Variants in CNKSR3 observed in about 807,000 individuals in gnomAD.
The protein encoded by CNKSR3 is CNKSR family member 3.
A neutral mutation model predicts 67.7 loss-of-function variants in CNKSR3; 36 were observed. The observed-to-expected ratio is 0.53, with a 90% CI of 0.41 to 0.70. The LOEUF is 0.70. Ranked by LOEUF, CNKSR3 falls within the 30% of genes least tolerant of loss-of-function variation. The pLI, the probability that CNKSR3 is intolerant of heterozygous loss-of-function variation, is 0.00. For missense variants in CNKSR3, 630 were observed against 695.2 expected, an observed-to-expected ratio of 0.91 and a Z score of 1.05; for synonymous variants, 281 against 271.4, an observed-to-expected ratio of 1.04 and a Z score of -0.35.
rs1784596602 is a variant in CNKSR3, at chr6:154,390,844, A to G, written c.*15510T>C. On this transcript the variant is annotated 3_prime_UTR_variant, in exon 13 of 13. Transcript: ENST00000607772. Reference sequence around the variant, plus strand: ...GAGATGGAGTCTCACTCTGTTGCCCAGGCTGGAGTGCAGTGGCTCCATCTC... The same window carrying G: ...GAGATGGAGTCTCACTCTGTTGCCCGGGCTGGAGTGCAGTGGCTCCATCTC... The G allele has an allele frequency of 8.3e-6, 1 of 121,142 alleles. No homozygotes were observed. Among genetic ancestry groups the G allele is most frequent in the Admixed American group, 1.1e-4 (1 of 8,794 alleles). 7.5% of individuals were successfully genotyped at this position (121,142 alleles called of 1,614,324 possible).
rs1174844923 is a variant in CNKSR3 at position 154,394,188 on chromosome 6, T to C, written c.*12166A>G. ...TGTACACCACCAAGCCTGGTTGTTA[T>C]ATTTTTTTGAAAGATAGGGTCTCAC... is the stretch of plus-strand genomic sequence containing the variant. On this transcript the variant is annotated 3_prime_UTR_variant, in exon 13 of 13. Transcript: ENST00000607772. 2 of 152,246 alleles carry C rather than the reference T, an allele frequency of 1.3e-5. No individual in the cohort carries two copies. Among genetic ancestry groups the C allele is most frequent in the Non-Finnish European group, 2.9e-5 (2 of 68,046 alleles). The allele number at this position is 152,246 out of a possible 1,614,324, so 9.4% of individuals were successfully genotyped here.
chr6:154,406,216 G>A lies in CNKSR3; in HGVS notation c.*138C>T. On this transcript the variant is annotated 3_prime_UTR_variant, in exon 13 of 13. Coordinates refer to ENST00000607772, the MANE Select transcript of CNKSR3 (RefSeq NM_173515.4). ...ATCCTGCAAACTTCCAAGAAGGGCAGTAGATAACTTTTCAAAAGAAAAAGA... is the reference window on the plus strand; with the variant it reads ...ATCCTGCAAACTTCCAAGAAGGGCAATAGATAACTTTTCAAAAGAAAAAGA... 1.3e-6 allele frequency: 1 copy of A among 765,494 alleles called. No individual in the cohort carries two copies. Among genetic ancestry groups the A allele is most frequent in the Non-Finnish European group, 2.1e-6 (1 of 480,940 alleles). 47.4% of individuals were successfully genotyped at this position (765,494 alleles called of 1,614,324 possible). A position where few individuals can be genotyped will look rare whatever the true frequency, so the allele number is the denominator to read the frequency against.
intron 9 of CNKSR3, among the ~76,000 whole-genome samples, chr6:154,419,927 A>G (rs1785104597): frequency 6.6e-6 from 1 of 152,038 alleles, no homozygotes; most frequent in Non-Finnish European, 1.5e-5. Context: ...TAAAAATACA[A>G]AAATTAGCTG....
At chr6:154,407,231 C>T (rs1270761589) in intron 12 of CNKSR3, among the ~76,000 whole-genome samples, 8 of 152,144 alleles carry the variant, frequency 5.3e-5, no homozygotes, top group South Asian at 2.1e-4. Context: ...GTAGTGTCCC[C>T]GCGATGGCTG....
In CNKSR3 at chr6:154,442,140, A is replaced by G; in HGVS notation, c.367T>C (p.Ser123Pro). 1 of 1,613,680 alleles carries G rather than the reference A, an allele frequency of 6.2e-7. No homozygotes were observed. The highest frequency in any genetic ancestry group is 8.5e-7 in the Non-Finnish European group (1 of 1,179,586). ...GCGGCGCCGATGAGCTCCACCACCG[A>G]GGTCAGGAACTCATTGGGGGCCTTG... is the stretch of plus-strand genomic sequence containing the variant. ...SRKAPNEFLT[S>P]VVELIGAAKA... The change falls in exon 3 of 13, where the codon TCG (serine) becomes CCG (proline). Residue 123 changes from serine (S) to proline (P), a missense_variant. Transcript: ENST00000607772.
chr6:154,491,242 A>G (rs552256607), intron 1 of CNKSR3, among the ~76,000 whole-genome samples: 10 of 152,278 alleles, frequency 6.6e-5, no homozygotes, highest in African/African-American at 2.4e-4. Context: ...CACTTCTATG[A>G]TGCCCTGTAG....
chr6:154,406,091 AT>A lies in CNKSR3; in HGVS notation c.*262del. On this transcript the variant is annotated 3_prime_UTR_variant, in exon 13 of 13. Transcript: ENST00000607772. Reference sequence around the variant, plus strand: ...TGCGATTTCTAGCGCGTGTCTTCACATTCTATCTCTGGGGAAGCAAGACAAA... The same window carrying A: ...TGCGATTTCTAGCGCGTGTCTTCACATCTATCTCTGGGGAAGCAAGACAAA... 4.4e-6 allele frequency: 2 copies of A among 455,366 alleles called. No individual in the cohort carries two copies. Among genetic ancestry groups the A allele is most frequent in the Non-Finnish European group, 7.9e-6 (2 of 253,862 alleles). The allele number at this position is 455,366 out of a possible 1,614,324, so 28.2% of individuals were successfully genotyped here. A position where few individuals can be genotyped will look rare whatever the true frequency, so the allele number is the denominator to read the frequency against.
chr6:154,467,562 A>C (rs1786230611), intron 1 of CNKSR3, among the ~76,000 whole-genome samples: 1 of 152,212 alleles, frequency 6.6e-6, no homozygotes, highest in African/African-American at 2.4e-5. Context: ...CATATTCGTA[A>C]GAGGTAACTC....
intron 1 of CNKSR3, among the ~76,000 whole-genome samples, chr6:154,457,577 C>T (rs575559138): frequency 2.3e-4 from 35 of 152,178 alleles, no homozygotes; most frequent in African/African-American, 6.5e-4. Context: ...AACAGCCGGG[C>T]GTGGTGGCCT....
At chr6:154,470,528 T>C (rs1786306480) in intron 1 of CNKSR3, among the ~76,000 whole-genome samples, 1 of 152,180 alleles carries the variant, frequency 6.6e-6, no homozygotes, top group Non-Finnish European at 1.5e-5. Context: ...TATAAATCAT[T>C]TCATACAATA....
Position 154,450,148 on chromosome 6 carries a change from G to T in CNKSR3, c.163C>A (p.Arg55=). The part of the protein sequence containing the change: ...HQDLEELGVT[R]IGHQELVLEA... ...AACACAAGCTCCTGGTGTCCAATCC[G>T]TGTGACCCCCAGCTCCTCCAGGTCC... Residue 55 remains arginine (R), a synonymous_variant, in exon 2 of 13, where the codon CGG becomes AGG. Coordinates refer to ENST00000607772, the MANE Select transcript of CNKSR3 (RefSeq NM_173515.4). 6.2e-7 allele frequency: 1 copy of T among 1,614,124 alleles called. No homozygotes were observed. Among genetic ancestry groups the T allele is most frequent in the Admixed American group, 1.7e-5 (1 of 60,022 alleles).
At position 154,450,288 on chromosome 6, in the gene CNKSR3, T is replaced by C. The variant is rs1307623093; in HGVS notation, c.53-30A>G. The C allele has an allele frequency of 1.9e-6, 3 of 1,609,418 alleles. No individual in the cohort carries two copies. The South Asian group carries it at 3.3e-5, about 18-fold the overall frequency. On this transcript the variant is annotated intron_variant, in intron 1 of 12. Coordinates refer to ENST00000607772, the MANE Select transcript of CNKSR3 (RefSeq NM_173515.4). Reference sequence around the variant, plus strand: ...CAAAAACAATCAGAAGTCCCATTATTGCCATTTTGTTCCTTTACCCACCCC... The same window carrying C: ...CAAAAACAATCAGAAGTCCCATTATCGCCATTTTGTTCCTTTACCCACCCC...
At position 154,389,577 on chromosome 6, in the gene CNKSR3, T is replaced by C. The variant is rs1315413434; in HGVS notation, c.*16777A>G. ...AAGATTGATATGGCTATTCATGGTC[T>C]TTTGTGGTTTCATATGGACTGTAGA... On this transcript the variant is annotated 3_prime_UTR_variant, in exon 13 of 13. Transcript: ENST00000607772. 1 of 152,266 alleles carries C rather than the reference T, an allele frequency of 6.6e-6. No individual in the cohort carries two copies. The highest frequency in any genetic ancestry group is 1.5e-5 in the Non-Finnish European group (1 of 68,046). 9.4% of individuals were successfully genotyped at this position (152,266 alleles called of 1,614,324 possible). A position where few individuals can be genotyped will look rare whatever the true frequency, so the allele number is the denominator to read the frequency against.
chr6:154,473,489 A>G (rs1323275876), intron 1 of CNKSR3, among the ~76,000 whole-genome samples: 1 of 152,156 alleles, frequency 6.6e-6, no homozygotes, highest in Non-Finnish European at 1.5e-5. Flanking sequence ...TCACATTCAG[A>G]GCAATGACCC....
At position 154,396,801 on chromosome 6, in the gene CNKSR3, CTTTT is replaced by C. The variant is rs201840028; in HGVS notation, c.*9549_*9552del. 2.9e-5 allele frequency: 4 copies of C among 139,450 alleles called. No homozygotes were observed. The highest frequency in any genetic ancestry group is 4.7e-5 in the Non-Finnish European group (3 of 63,784). The allele number at this position is 139,450 out of a possible 1,614,324, so 8.6% of individuals were successfully genotyped here. A position where few individuals can be genotyped will look rare whatever the true frequency, so the allele number is the denominator to read the frequency against. On this transcript the variant is annotated 3_prime_UTR_variant, in exon 13 of 13. Transcript: ENST00000607772. ...TCAGCAAAAATTCACTAATTGTTTT[CTTTT>C]TTTTTTTTTTTTGAGACGGAGTCTC...
chr6:154,441,618 G>C lies in CNKSR3; in HGVS notation c.420-239C>G, dbSNP rs1484034523. Among the ~76,000 whole-genome samples the C allele has an allele frequency of 5.3e-5, 8 of 152,108 alleles. No homozygotes were observed. In the East Asian group the frequency reaches 7.7e-4, roughly 15 times the overall value. On this transcript the variant is annotated intron_variant, in intron 3 of 12. Coordinates refer to ENST00000607772, the MANE Select transcript of CNKSR3 (RefSeq NM_173515.4). The stretch of plus-strand genomic sequence containing the variant: ...CCTGCCTCAGCCTCCCGAGTAGCTG[G>C]GATTACAGGCATGTGCCACCAAGCC...
intron 1 of CNKSR3, among the ~76,000 whole-genome samples, chr6:154,457,482 G>A (rs1021665404): frequency 2.0e-5 from 3 of 152,176 alleles, no homozygotes; most frequent in African/African-American, 7.2e-5. Flanking sequence ...CACTTTGGGA[G>A]GCCAAGGTGG....
At chr6:154,417,818 G>A (rs921833942) in intron 9 of CNKSR3, among the ~76,000 whole-genome samples, 1 of 152,050 alleles carries the variant, frequency 6.6e-6, no homozygotes, top group Non-Finnish European at 1.5e-5. Context: ...CATCTCCACT[G>A]ACTCCTTGAC....
At chr6:154,422,059 C>T (rs1785156459) in intron 9 of CNKSR3, among the ~76,000 whole-genome samples, 2 of 144,610 alleles carry the variant, frequency 1.4e-5, no homozygotes, top group South Asian at 4.3e-4. Context: ...ATGGCACGAT[C>T]TTGGCTCACT....
Sources: allele counts gnomAD v4.1 joint callset (sites outside exome capture counted in the v4.1 genomes callset), GRCh38; gene constraint gnomAD v4.1.1; transcripts MANE v1.5; gene names NCBI Gene and HGNC (gene_info 2026-07-23, HGNC 2026-07-21).